The following TRPC5 variants were observed in gnomAD, a reference collection of about 807,000 sequenced individuals.
TRPC5 encodes the protein transient receptor potential cation channel subfamily C member 5.
Under a neutral mutation model 56.5 loss-of-function variants are expected in TRPC5, and 9 were observed. That is an observed-to-expected ratio of 0.16 (90% confidence interval 0.10 to 0.28). TRPC5 has a LOEUF of 0.28. TRPC5 is among the 10% of genes least tolerant of loss of function. The probability of loss-of-function intolerance (pLI) is 1.00; values close to 1 mark genes in which losing one functional copy is unlikely to be tolerated. For synonymous variants in TRPC5, 282 were observed against 278.5 expected (o/e 1.01, Z -0.13); for missense variants, 469 against 748.9 (o/e 0.63, Z 4.36).
At position 111,912,473 on chromosome X, in the gene TRPC5, C is replaced by T; in HGVS notation, c.718G>A (p.Glu240Lys). 8.3e-7 allele frequency: 1 copy of T among 1,211,435 alleles called. No individual in the cohort carries two copies. Among genetic ancestry groups the T allele is most frequent in the Non-Finnish European group, 1.1e-6 (1 of 895,474 alleles). Residue 240 changes from glutamate (E) to lysine (K), a missense_variant, in exon 3 of 11, where the codon GAG becomes AAG. Glu to Lys is a moderately conservative substitution (Grantham distance 56). Around this residue, in one of 3 missense-constraint regions of TRPC5, gnomAD observed 157 missense variants for 360.0 expected, o/e 0.44. Transcript: ENST00000262839. ...LSKVENEFKA[E>K]YEELSQQCKL... The stretch of plus-strand genomic sequence containing the variant: ...CACTGCTGAGAGAGCTCCTCATACT[C>T]GGCCTTGAACTCATTCTCCACCTTG...
intron 2 of TRPC5, among the ~76,000 whole-genome samples, chrX:111,928,715 G>A (rs758646613): frequency 1.8e-5 from 2 of 112,027 alleles, no homozygotes; most frequent in Non-Finnish European, 3.8e-5. Flanking sequence ...TCTTAGGCTA[G>A]GGGTGTGGGC....
intron 3 of TRPC5, among the ~76,000 whole-genome samples, chrX:111,863,078 G>A (rs915146977): frequency 8.9e-6 from 1 of 111,928 alleles, no homozygotes; most frequent in Admixed American, 9.5e-5. Flanking sequence ...AATCAGGGAA[G>A]CCTCCATTCT....
intron 2 of TRPC5, among the ~76,000 whole-genome samples, chrX:111,946,871 G>A (rs1398198773): frequency 8.9e-6 from 1 of 112,289 alleles, no homozygotes; most frequent in East Asian, 2.8e-4. Context: ...TTGGTGTCAA[G>A]TGAAGGGAAA....
chrX:112,063,602 G>T (rs778443982), intron 1 of TRPC5, among the ~76,000 whole-genome samples: 31 of 111,635 alleles, frequency 2.8e-4, no homozygotes, highest in African/African-American at 1.0e-3. Context: ...TCTAGATCAG[G>T]GCACAGGAAG....
intron 2 of TRPC5, among the ~76,000 whole-genome samples, chrX:111,926,620 C>T (rs1926266032): frequency 8.9e-6 from 1 of 111,929 alleles, no homozygotes. Flanking sequence ...TTAACATTTA[C>T]CAAACACTTA....
chrX:111,805,239 T>C (rs1015501150), intron 7 of TRPC5, among the ~76,000 whole-genome samples: 2 of 112,199 alleles, frequency 1.8e-5, no homozygotes, highest in African/African-American at 6.5e-5. Flanking sequence ...GATGTGCTGC[T>C]GGATTTGGTT....
chrX:112,075,651 A>C (rs1012674089), intron 1 of TRPC5, among the ~76,000 whole-genome samples: 1 of 111,987 alleles, frequency 8.9e-6, no homozygotes, highest in Non-Finnish European at 1.9e-5. Flanking sequence ...AAAACAAAGC[A>C]GAAGAGGAAG....
intron 7 of TRPC5, among the ~76,000 whole-genome samples, chrX:111,792,450 T>C (rs1217950282): frequency 9.0e-6 from 1 of 111,430 alleles, no homozygotes; most frequent in Non-Finnish European, 1.9e-5. Context: ...TCTGTGCATG[T>C]ATACCAGAAC....
chrX:111,924,857 C>T (rs756604824), intron 2 of TRPC5, among the ~76,000 whole-genome samples: 28 of 112,388 alleles, frequency 2.5e-4, no homozygotes, highest in Admixed American at 1.2e-3. Flanking sequence ...GGAGTTAATT[C>T]CTCTTCCTGT....
chrX:112,021,325 A>C (rs977863846), intron 1 of TRPC5, among the ~76,000 whole-genome samples: 1 of 111,889 alleles, frequency 8.9e-6, no homozygotes, highest in African/African-American at 3.2e-5. Flanking sequence ...AAGTAGAATA[A>C]ACGAAACAAA....
At chrX:111,909,348 A>T (rs1019049) in intron 3 of TRPC5, among the ~76,000 whole-genome samples, 39,359 of 96,234 alleles carry the variant, frequency 0.41, 7,847 homozygotes, top group East Asian at 0.65. Context: ...ATAAATAAAT[A>T]AATAAATAAA....
intron 9 of TRPC5, among the ~76,000 whole-genome samples, chrX:111,780,922 A>G (rs1439224614): frequency 9.0e-6 from 1 of 111,653 alleles, no homozygotes; most frequent in Non-Finnish European, 1.9e-5. Context: ...CAAGGAAGAC[A>G]GCTTTCTAAG....
intron 3 of TRPC5, among the ~76,000 whole-genome samples, chrX:111,881,594 A>G (rs1250564060): frequency 1.8e-5 from 2 of 111,397 alleles, no homozygotes; most frequent in African/African-American, 6.5e-5. Flanking sequence ...TGTTACATAC[A>G]TGAGTATCCC....
At chrX:112,033,976 C>T (rs1176645019) in intron 1 of TRPC5, among the ~76,000 whole-genome samples, 2 of 112,140 alleles carry the variant, frequency 1.8e-5, no homozygotes, top group Non-Finnish European at 3.8e-5. Flanking sequence ...AATTCTATTC[C>T]ATTGATGTGT....
intron 2 of TRPC5, among the ~76,000 whole-genome samples, chrX:111,918,672 AAAAGTC>A (rs1308996519): frequency 8.9e-6 from 1 of 111,774 alleles, no homozygotes; most frequent in Non-Finnish European, 1.9e-5. Flanking sequence ...GGTAAGGGCT[AAAAGTC>A]TGGGAGGAAA....
At chrX:111,893,083 T>G (rs114235030) in intron 3 of TRPC5, among the ~76,000 whole-genome samples, 1,992 of 108,841 alleles carry the variant, frequency 0.018, 55 homozygotes, top group African/African-American at 0.062. Flanking sequence ...TATAGGGTTT[T>G]TTTTTTTTTT....
intron 7 of TRPC5, among the ~76,000 whole-genome samples, chrX:111,794,464 C>A (rs1055537494): frequency 3.6e-5 from 4 of 111,734 alleles, no homozygotes; most frequent in African/African-American, 9.7e-5. Context: ...TACAGTATAT[C>A]ATTTTTTCCA....
At chrX:111,842,239 G>A (rs1178325296) in intron 6 of TRPC5, among the ~76,000 whole-genome samples, 1 of 105,347 alleles carries the variant, frequency 9.5e-6, no homozygotes, top group Non-Finnish European at 1.9e-5. Flanking sequence ...CCGGGTTCAA[G>A]CGATTCTCCT....
At chrX:112,006,385 A>G (rs1416098935) in intron 1 of TRPC5, among the ~76,000 whole-genome samples, 2 of 112,126 alleles carry the variant, frequency 1.8e-5, no homozygotes, top group Non-Finnish European at 3.8e-5. Context: ...AGGGCCGGCC[A>G]GATACTATGC....
Sources: allele counts gnomAD v4.1 joint callset (sites outside exome capture counted in the v4.1 genomes callset), GRCh38; gene constraint gnomAD v4.1.1; regional missense constraint gnomAD v4.1.1; transcripts MANE v1.5; gene names NCBI Gene and HGNC (gene_info 2026-07-23, HGNC 2026-07-21).